The following BMPR2 variants were observed in gnomAD, a reference collection of about 807,000 sequenced individuals.
The protein encoded by BMPR2 is bone morphogenetic protein receptor type 2.
BMPR2 carries 29 observed loss-of-function variants against 100.8 expected under a neutral mutation model. That is an observed-to-expected ratio of 0.29 (90% CI 0.21 to 0.39). The LOEUF is 0.39. Among genes scored for constraint, BMPR2 ranks in the 10% least tolerant of loss-of-function variants. The pLI, the probability that BMPR2 is intolerant of heterozygous loss-of-function variation, is 1.00. For synonymous variants in BMPR2, 382 were observed against 442.3 expected (o/e 0.86, Z 1.71); for missense variants, 1,011 against 1,274.5 (o/e 0.79, Z 3.15).
At chr2:202,486,539 C>T (rs1312887843) in intron 3 of BMPR2, among the ~76,000 whole-genome samples, 1 of 144,932 alleles carries the variant, frequency 6.9e-6, no homozygotes, top group Non-Finnish European at 1.5e-5. Flanking sequence ...GGCTACAGCA[C>T]AAGAATTGCT....
rs1286762334 is a variant in BMPR2, at chr2:202,535,432, C to T, written c.1276+2700C>T. On this transcript the variant is annotated intron_variant, in intron 9 of 12. Transcript: ENST00000374580. ...GGGTCTCGGCTGGGCAGAGGCGCTC[C>T]TCACATCCCAGACGGGGCGGCGGGG... Among the ~76,000 whole-genome samples the T allele has an allele frequency of 2.0e-5, 3 of 151,138 alleles. No individual in the cohort carries two copies. In the South Asian group the frequency reaches 6.3e-4, roughly 32 times the overall value.
rs145081481 is a variant in BMPR2, at chr2:202,499,965, A to G, written c.419-13754A>G. On this transcript the variant is annotated intron_variant, in intron 3 of 12. Transcript: ENST00000374580. ...AGGACACTTTAAAAAAGATTGTCCA[A>G]TGAGAAAGAAGCTGCCCCCTCATCC... Among the ~76,000 whole-genome samples the G allele has an allele frequency of 1.1e-3, 164 of 152,338 alleles. 2 individuals are homozygous for G. Among genetic ancestry groups the G allele is most frequent in the African/African-American group, 2.9e-3 (122 of 41,580 alleles).
At chr2:202,488,304 T>C (rs1477612844) in intron 3 of BMPR2, among the ~76,000 whole-genome samples, 1 of 152,196 alleles carries the variant, frequency 6.6e-6, no homozygotes, top group Admixed American at 6.5e-5. Context: ...CTGACAGTAT[T>C]ATAAAGCATT....
At chr2:202,470,829 G>A (rs1692423931) in intron 3 of BMPR2, among the ~76,000 whole-genome samples, 1 of 151,840 alleles carries the variant, frequency 6.6e-6, no homozygotes, top group Non-Finnish European at 1.5e-5. Context: ...CACTTTGGCA[G>A]GCCAAGGCAA....
At chr2:202,471,890 T>C (rs1692445148) in intron 3 of BMPR2, among the ~76,000 whole-genome samples, 1 of 151,514 alleles carries the variant, frequency 6.6e-6, no homozygotes, top group African/African-American at 2.4e-5. Context: ...ATGATTCTAC[T>C]GTGTATTGGT....
intron 1 of BMPR2, among the ~76,000 whole-genome samples, chr2:202,410,462 A>G (rs193203201): frequency 2.6e-5 from 4 of 152,362 alleles, no homozygotes; most frequent in South Asian, 2.1e-4. Flanking sequence ...AGATAGTTCC[A>G]TTGGTCAAAG....
At chr2:202,401,604 G>T (rs781473517) in intron 1 of BMPR2, among the ~76,000 whole-genome samples, 6 of 152,164 alleles carry the variant, frequency 3.9e-5, no homozygotes, top group Non-Finnish European at 7.4e-5. Context: ...ATAAGTCAAT[G>T]AGATGGTTAA....
At chr2:202,494,132 A>C (rs1396197459) in intron 3 of BMPR2, among the ~76,000 whole-genome samples, 1 of 152,242 alleles carries the variant, frequency 6.6e-6, no homozygotes, top group Admixed American at 6.5e-5. Flanking sequence ...ATTGAGCTCC[A>C]CAATAAATCA....
chr2:202,410,547 A>AT (rs1690992347), intron 1 of BMPR2, among the ~76,000 whole-genome samples: 2 of 152,204 alleles, frequency 1.3e-5, no homozygotes, highest in African/African-American at 4.8e-5. Context: ...GTCCATACTA[A>AT]TATAAACAAG....
Position 202,532,919 on chromosome 2 carries a change from T to TA in BMPR2, c.1276+187_1276+188insA, listed in dbSNP as rs1158988317. 3.3e-5 allele frequency among the ~76,000 whole-genome samples: 5 copies of TA among 152,192 alleles called. No homozygotes were observed. Among genetic ancestry groups the TA allele is most frequent in the Non-Finnish European group, 7.3e-5 (5 of 68,042 alleles). ...GGATGCAAATTAGGAATTTTTTTTT[T>TA]TAGAGTACTCCAGGTTTTCATCTGA... On this transcript the variant is annotated intron_variant, in intron 9 of 12. Coordinates refer to ENST00000374580, the MANE Select transcript of BMPR2 (RefSeq NM_001204.7). This position sits in a 1 kb window ranked among gnomAD's most constrained non-coding sequence, Gnocchi z 4.1.
intron 1 of BMPR2, among the ~76,000 whole-genome samples, chr2:202,421,654 AAAAG>A (rs1197673673): frequency 6.6e-6 from 1 of 151,810 alleles, no homozygotes; most frequent in Non-Finnish European, 1.5e-5. Flanking sequence ...AAAAAAAAAA[AAAAG>A]AATTTGGAAG....
intron 3 of BMPR2, among the ~76,000 whole-genome samples, chr2:202,509,604 T>A (rs555096368): frequency 6.6e-6 from 1 of 151,988 alleles, no homozygotes; most frequent in Non-Finnish European, 1.5e-5. Context: ...ATGTACTAAT[T>A]CTGTGCTTTT....
At chr2:202,526,598 T>C (rs551753195) in intron 7 of BMPR2, among the ~76,000 whole-genome samples, 63 of 152,360 alleles carry the variant, frequency 4.1e-4, no homozygotes, top group Non-Finnish European at 2.5e-4. Flanking sequence ...ACTTAGCTCT[T>C]CAATATTATA....
intron 9 of BMPR2, among the ~76,000 whole-genome samples, chr2:202,533,409 C>T (rs1166987881): frequency 6.6e-6 from 1 of 151,692 alleles, no homozygotes; most frequent in Non-Finnish European, 1.5e-5. Context: ...CACCTGTAAT[C>T]CCAGCTGCTC....
intron 7 of BMPR2, among the ~76,000 whole-genome samples, chr2:202,527,391 G>C (rs1687934752): frequency 6.6e-6 from 1 of 151,952 alleles, no homozygotes; most frequent in Non-Finnish European, 1.5e-5. Context: ...GGTAGGCTGA[G>C]GCAGAAGAAT....
intron 9 of BMPR2, among the ~76,000 whole-genome samples, chr2:202,535,581 G>T (rs982233763): frequency 6.6e-6 from 1 of 151,712 alleles, no homozygotes; most frequent in African/African-American, 2.4e-5. Flanking sequence ...GCCGGGCGGA[G>T]ACGCTCCCCA....
intron 10 of BMPR2, among the ~76,000 whole-genome samples, chr2:202,545,205 C>T (rs1423502526): frequency 3.7e-3 from 4 of 1,082 alleles, no homozygotes; most frequent in South Asian, 0.056. Flanking sequence ...TTCTTCCTCC[C>T]GTCCCCCTCC....
In BMPR2 at chr2:202,565,144, A is replaced by C. The variant is rs886055489; in HGVS notation, c.*5198A>C. The C allele has an allele frequency of 2.6e-5, 4 of 152,106 alleles. No homozygotes were observed. Among genetic ancestry groups the C allele is most frequent in the East Asian group, 1.9e-4 (1 of 5,194 alleles). The allele number at this position is 152,106 out of a possible 1,614,324, so 9.4% of individuals were successfully genotyped here. A position where few individuals can be genotyped will look rare whatever the true frequency, so the allele number is the denominator to read the frequency against. On this transcript the variant is annotated 3_prime_UTR_variant, in exon 13 of 13. Coordinates refer to ENST00000374580, the MANE Select transcript of BMPR2 (RefSeq NM_001204.7). ...AGTCTGTGTCAGGAAAGTTTTCTTC[A>C]TATCTATTCTGTCTCCCTCCTCTTT...
At chr2:202,407,492 G>T (rs1271877920) in intron 1 of BMPR2, among the ~76,000 whole-genome samples, 1 of 152,012 alleles carries the variant, frequency 6.6e-6, no homozygotes, top group African/African-American at 2.4e-5. Context: ...ACTGTATTTG[G>T]CTGGGCGTGG....
Sources: gnomAD v4.1 joint callset for allele counts (sites outside exome capture counted in the v4.1 genomes callset) on GRCh38, gnomAD v4.1.1 for gene constraint, Gnocchi (gnomAD v3.1) non-coding constraint, MANE v1.5 for transcripts, NCBI Gene and HGNC (gene_info 2026-07-23, HGNC 2026-07-21) for gene names.